Variants in TSC1 observed in about 807,000 individuals in gnomAD.
TSC1 encodes hamartin.
TSC1 carries 20 observed loss-of-function variants against 124.3 expected under a neutral mutation model. The ratio of observed to expected loss-of-function variants is 0.16; its 90% confidence interval spans 0.11 to 0.23. The LOEUF is 0.23. TSC1 is among the 10% of genes least tolerant of loss of function. The pLI is 1.00. For missense variants in TSC1, 1,124 were observed against 1,448.5 expected, an observed-to-expected ratio of 0.78 and a Z score of 3.64; for synonymous variants, 493 against 539.1, an observed-to-expected ratio of 0.91 and a Z score of 1.19.
rs1212768461 is a variant in TSC1, at chr9:132,897,292, T to C, written c.2867A>G (p.Gln956Arg). ...ATCTAAGATCTCCAATTCAAACACC[T>C]GGGTTATCCTTTTCTGAGCCTCATA... The part of the protein sequence containing the change: ...SRYEAQKRIT[Q>R]VFELEILDLY... Residue 956 changes from glutamine to arginine, a missense_variant, in exon 22 of 23, where the codon CAG (glutamine) becomes CGG (arginine). Coordinates refer to ENST00000298552, the MANE Select transcript of TSC1 (RefSeq NM_000368.5). 4 of 1,614,122 alleles carry C rather than the reference T, an allele frequency of 2.5e-6. No individual in the cohort carries two copies. The highest frequency in any genetic ancestry group is 3.4e-6 in the Non-Finnish European group (4 of 1,180,052).
At chr9:132,913,825 C>CAAAAAAAAAA (rs374309550) in intron 8 of TSC1, among the ~76,000 whole-genome samples, 2 of 33,630 alleles carry the variant, frequency 5.9e-5, no homozygotes, top group African/African-American at 1.1e-4. Context: ...GACTCCGTCT[C>CAAAAAAAAAA]AAAAAAAAAA....
chr9:132,900,454 A>AG (rs1458939304), intron 20 of TSC1: 12 of 479,074 alleles, frequency 2.5e-5, no homozygotes, highest in African/African-American at 2.2e-4. Flanking sequence ...GGGAAGAGAA[A>AG]GGAAACACTT....
chr9:132,897,644 T>C (rs769768392), intron 20 of TSC1, 34 bp from the exon 21 acceptor site: 1 of 1,561,794 alleles, frequency 6.4e-7, no homozygotes, highest in South Asian at 1.2e-5. Context: ...CTGGAATTAG[T>C]ACTTATAAAA....
At chr9:132,944,977 G>A (rs914212199), upstream of TSC1, 14 of 191,722 alleles carry the variant, frequency 7.3e-5, no homozygotes, top group East Asian at 5.7e-4. Flanking sequence ...GGGGGACGCG[G>A]CGGAGAGGCG....
chr9:132,934,759 T>G (rs757583374), intron 2 of TSC1, among the ~76,000 whole-genome samples: 3 of 152,214 alleles, frequency 2.0e-5, no homozygotes, highest in Non-Finnish European at 4.4e-5. Flanking sequence ...AAAATTGACA[T>G]GTTTGAACCC....
Position 132,896,149 on chromosome 9 carries a change from G to A in TSC1, c.*86C>T, listed in dbSNP as rs1280766593. On this transcript the variant is annotated 3_prime_UTR_variant, in exon 23 of 23. Coordinates refer to ENST00000298552, the MANE Select transcript of TSC1 (RefSeq NM_000368.5). This position sits in a 1 kb window ranked among gnomAD's most constrained non-coding sequence, Gnocchi z 4.5. ...ACACATGAACTTGCACTCAGACCCT[G>A]GAAACAGGAAAGCTTTGAAACGTGC... 7 of 1,592,358 alleles carry A rather than the reference G, an allele frequency of 4.4e-6. No individual in the cohort carries two copies. The African/African-American group carries it at 9.4e-5, about 21-fold the overall frequency.
chr9:132,908,738 G>A (rs767172325), intron 12 of TSC1, among the ~76,000 whole-genome samples: 9 of 151,580 alleles, frequency 5.9e-5, no homozygotes, highest in African/African-American at 1.9e-4. Flanking sequence ...AAGCCACCAC[G>A]CCCAGCCGCA....
chr9:132,924,515 C>T (rs902502855), intron 5 of TSC1, among the ~76,000 whole-genome samples: 3 of 152,136 alleles, frequency 2.0e-5, no homozygotes, highest in Non-Finnish European at 4.4e-5. Context: ...AAGACTTATC[C>T]ATGATTAACA....
intron 2 of TSC1, among the ~76,000 whole-genome samples, 193 bp downstream of exon 2, chr9:132,934,840 G>A (rs569918448): frequency 1.3e-5 from 2 of 152,330 alleles, no homozygotes; most frequent in African/African-American, 4.8e-5. Flanking sequence ...CATATAATGC[G>A]CTTTGCACAG....
intron 10 of TSC1, 95 bp from the exon 11 acceptor site, chr9:132,911,208 T>C (rs1258113598): frequency 1.5e-5 from 16 of 1,088,946 alleles, no homozygotes; most frequent in Non-Finnish European, 1.5e-5. Context: ...TAAATTTAGC[T>C]TTTTCATCTA....
intron 12 of TSC1, chr9:132,909,832 T>A (rs534181141): frequency 6.6e-6 from 1 of 152,360 alleles, no homozygotes; most frequent in African/African-American, 2.4e-5. Context: ...GTTTTTATTG[T>A]TTTTAATGGA....
chr9:132,900,396 T>C, intron 20 of TSC1: 1 of 394,338 alleles, frequency 2.5e-6, no homozygotes, highest in Non-Finnish European at 4.9e-6. Context: ...TAAACAGAAT[T>C]GGTCCCCCAT....
At chr9:132,933,940 C>A (rs1048259743) in intron 2 of TSC1, among the ~76,000 whole-genome samples, 10 of 152,100 alleles carry the variant, frequency 6.6e-5, no homozygotes, top group African/African-American at 2.4e-4. Flanking sequence ...ATGAAGTATA[C>A]ACAAAAACAC....
intron 1 of TSC1, 141 bp downstream of exon 1, chr9:132,944,402 G>A (rs1847951705): frequency 5.1e-6 from 2 of 393,820 alleles, no homozygotes; most frequent in Admixed American, 4.4e-5. Context: ...AGAGCTCTCC[G>A]AACCCCCCTT....
chr9:132,922,953 G>A (rs1281797799), intron 6 of TSC1, among the ~76,000 whole-genome samples: 3 of 152,066 alleles, frequency 2.0e-5, no homozygotes, highest in Admixed American at 6.5e-5. Context: ...CAGGTACAAC[G>A]AGTGGGTTCT....
Position 132,897,501 on chromosome 9 carries a change from A to G in TSC1, c.2735T>C (p.Leu912Pro). The G allele has an allele frequency of 6.2e-7, 1 of 1,613,422 alleles. No individual in the cohort carries two copies. The highest frequency in any genetic ancestry group is 8.5e-7 in the Non-Finnish European group (1 of 1,179,916). Reference protein sequence around the residue: ...LDTSQKRILELESHLAKKDHL... With the variant: ...LDTSQKRILEPESHLAKKDHL... ...GTCTTTCTTGGCCAGGTGAGATTCC[A>G]GTTCCAAAATCCGTTTTTGGGAGGT... Residue 912 changes from leucine to proline, a missense_variant, in exon 21 of 23, where the codon CTG (leucine) becomes CCG (proline). This residue lies in a region of TSC1 where 325 missense variants were observed against 383.4 expected (regional missense o/e 0.85). Coordinates refer to ENST00000298552, the MANE Select transcript of TSC1 (RefSeq NM_000368.5).
rs2131936726 is a variant in TSC1 at position 132,910,552 on chromosome 9, C to T, written c.1263+19G>A. 1.9e-6 allele frequency: 3 copies of T among 1,613,956 alleles called. No individual in the cohort carries two copies. The highest frequency in any genetic ancestry group is 2.5e-6 in the Non-Finnish European group (3 of 1,180,040). On this transcript the variant is annotated intron_variant, in intron 12 of 22. Transcript: ENST00000298552. ...TCACTGTGCCTGGGCAGAGGGATAGCAGACGAGCTGGATCGCACCTTCCTG... is the reference window on the plus strand; with the variant it reads ...TCACTGTGCCTGGGCAGAGGGATAGTAGACGAGCTGGATCGCACCTTCCTG...
At chr9:132,935,284 G>A (rs1847400181) in intron 1 of TSC1, among the ~76,000 whole-genome samples, 189 bp from the exon 2 acceptor site, 1 of 152,210 alleles carries the variant, frequency 6.6e-6, no homozygotes, top group Non-Finnish European at 1.5e-5. Flanking sequence ...TGAACAGCTG[G>A]TTGCTGGAAA....
At position 132,910,725 on chromosome 9, in the gene TSC1, T is replaced by G. The variant is rs6597586; in HGVS notation, c.1142-33A>C. The G allele has an allele frequency of 3.1e-6, 5 of 1,612,316 alleles. No homozygotes were observed. In the East Asian group the frequency reaches 8.9e-5, roughly 29 times the overall value. On this transcript the variant is annotated intron_variant, in intron 11 of 22. Coordinates refer to ENST00000298552, the MANE Select transcript of TSC1 (RefSeq NM_000368.5). The stretch of plus-strand genomic sequence containing the variant: ...ACAAGGGCAGAACATATATGAACAC[T>G]GAGCCCAACTATTAGAAAAACTGCC...
Sources: allele counts gnomAD v4.1 joint callset (sites outside exome capture counted in the v4.1 genomes callset), GRCh38; gene constraint gnomAD v4.1.1; regional missense constraint gnomAD v4.1.1; non-coding constraint Gnocchi (gnomAD v3.1); transcripts MANE v1.5; gene names NCBI Gene and HGNC (gene_info 2026-07-23, HGNC 2026-07-21).